DCC: variants seen among roughly 807,000 people sequenced by gnomAD.
The protein encoded by DCC is DCC netrin 1 receptor.
In DCC, 58 loss-of-function variants were observed where a neutral mutation model predicts 172.5. That is an observed-to-expected ratio of 0.34 (90% CI 0.27 to 0.42). DCC has a LOEUF of 0.42. Among genes scored for constraint, DCC ranks in the 10% least tolerant of loss-of-function variants. DCC has a pLI of 1.00. For missense variants in DCC, 1,740 were observed against 1,791.0 expected (o/e 0.97, Z 0.51); for synonymous variants, 709 against 644.5 (o/e 1.10, Z -1.52).
chr18:53,056,214 T>C (rs141153740), intron 5 of DCC, among the ~76,000 whole-genome samples: 1 of 152,080 alleles, frequency 6.6e-6, no homozygotes. Context: ...GTTAGATACA[T>C]GTCTTCACAA....
chr18:52,445,905 AC>A, intron 1 of DCC, among the ~76,000 whole-genome samples: 1 of 152,110 alleles, frequency 6.6e-6, no homozygotes, highest in East Asian at 1.9e-4. Flanking sequence ...CAAACTCCTT[AC>A]CAGTTTTTTG....
chr18:52,810,871 C>A (rs1328732777), intron 2 of DCC, among the ~76,000 whole-genome samples: 2 of 152,158 alleles, frequency 1.3e-5, no homozygotes, highest in African/African-American at 4.8e-5. Context: ...TAGGGTTTCA[C>A]TGGGGGCCCA....
At chr18:52,770,033 A>G (rs910202501) in intron 2 of DCC, among the ~76,000 whole-genome samples, 2 of 152,188 alleles carry the variant, frequency 1.3e-5, no homozygotes, top group African/African-American at 4.8e-5. Flanking sequence ...TACACAGAGG[A>G]GAGTTGTCTT....
intron 1 of DCC, among the ~76,000 whole-genome samples, chr18:52,346,881 C>T (rs982304404): frequency 2.6e-5 from 4 of 152,148 alleles, no homozygotes; most frequent in African/African-American, 7.2e-5. Flanking sequence ...TTTCACTAAT[C>T]CAAATTTTTT....
chr18:53,153,509 T>C (rs763071278), intron 7 of DCC, among the ~76,000 whole-genome samples: 6 of 152,212 alleles, frequency 3.9e-5, no homozygotes, highest in Non-Finnish European at 7.3e-5. Context: ...ACATGAGATA[T>C]TCACCTTCTT....
chr18:53,173,466 C>T (rs1161956505), intron 8 of DCC, among the ~76,000 whole-genome samples: 1 of 152,058 alleles, frequency 6.6e-6, no homozygotes, highest in African/African-American at 2.4e-5. Flanking sequence ...ACCATCACCA[C>T]CATCTGTCCA....
At chr18:52,660,106 T>A (rs2035329456) in intron 1 of DCC, among the ~76,000 whole-genome samples, 2 of 152,154 alleles carry the variant, frequency 1.3e-5, no homozygotes, top group Non-Finnish European at 1.5e-5. Context: ...CTCACTTCAA[T>A]GTTCTTTCTA....
At chr18:53,487,529 C>CT (rs34404262) in intron 26 of DCC, among the ~76,000 whole-genome samples, 38,328 of 120,140 alleles carry the variant, frequency 0.32, 6,955 homozygotes, top group Non-Finnish European at 0.43. Context: ...CCATTTGACT[C>CT]TTTTTTTTTT....
At chr18:53,274,652 G>A (rs117408888) in intron 12 of DCC, among the ~76,000 whole-genome samples, 14 of 152,230 alleles carry the variant, frequency 9.2e-5, no homozygotes, top group Admixed American at 4.6e-4. Context: ...GGAGGAATTC[G>A]TTTGAAAATC....
intron 19 of DCC, among the ~76,000 whole-genome samples, chr18:53,408,283 A>G (rs1909787449): frequency 6.6e-6 from 1 of 152,194 alleles, no homozygotes; most frequent in South Asian, 2.1e-4. Flanking sequence ...GAATCTGAGC[A>G]CAGTTTAGCT....
intron 1 of DCC, among the ~76,000 whole-genome samples, chr18:52,744,372 A>G (rs2036875098): frequency 6.6e-6 from 1 of 152,168 alleles, no homozygotes; most frequent in African/African-American, 2.4e-5. Context: ...GATCCTTAAT[A>G]AATTCCCATA....
intron 1 of DCC, among the ~76,000 whole-genome samples, chr18:52,448,351 C>T (rs1442784135): frequency 3.3e-5 from 5 of 152,206 alleles, no homozygotes; most frequent in Admixed American, 3.3e-4. Flanking sequence ...TCAGAGACTG[C>T]TGCTCTAGTC....
intron 7 of DCC, among the ~76,000 whole-genome samples, chr18:53,110,377 A>G (rs940171177): frequency 6.6e-6 from 1 of 151,686 alleles, no homozygotes; most frequent in Non-Finnish European, 1.5e-5. Context: ...AGTAGATTGG[A>G]GGTTAAGCAA....
Position 52,632,550 on chromosome 18 carries a change from C to T in DCC, c.92-119504C>T, listed in dbSNP as rs762428531. Among the ~76,000 whole-genome samples the T allele has an allele frequency of 3.3e-5, 5 of 152,296 alleles. No homozygotes were observed. The East Asian group carries it at 5.8e-4, about 18-fold the overall frequency. ...ATTCAAAGTCAAAATTCCTGTTCCACGCAGGTAGCTGAGTAAATTTAAGGT... is the reference window on the plus strand; with the variant it reads ...ATTCAAAGTCAAAATTCCTGTTCCATGCAGGTAGCTGAGTAAATTTAAGGT... On this transcript the variant is annotated intron_variant, in intron 1 of 28. Coordinates refer to ENST00000442544, the MANE Select transcript of DCC (RefSeq NM_005215.4).
intron 24 of DCC, among the ~76,000 whole-genome samples, chr18:53,460,286 T>TG (rs1555674677): frequency 3.6e-4 from 43 of 118,384 alleles, no homozygotes; most frequent in South Asian, 1.4e-3. Flanking sequence ...TTTTTTTTTT[T>TG]TTTTTTTTTT....
At chr18:53,148,865 CTTTTTT>C (rs5824990) in intron 7 of DCC, among the ~76,000 whole-genome samples, 1 of 109,820 alleles carries the variant, frequency 9.1e-6, no homozygotes, top group African/African-American at 3.7e-5. Context: ...TTCCCAATGC[CTTTTTT>C]TTTTTTTTTT....
At chr18:52,780,875 T>C (rs1017221751) in intron 2 of DCC, among the ~76,000 whole-genome samples, 1 of 152,066 alleles carries the variant, frequency 6.6e-6, no homozygotes, top group Non-Finnish European at 1.5e-5. Context: ...GAGGGAAATA[T>C]AAGGAGAGAA....
chr18:52,514,016 A>G (rs534656683), intron 1 of DCC, among the ~76,000 whole-genome samples: 104 of 152,266 alleles, frequency 6.8e-4, no homozygotes, highest in Non-Finnish European at 1.4e-3. Context: ...TATTACTTCC[A>G]CAAGATAGTT....
chr18:52,674,033 A>T (rs568814685), intron 1 of DCC, among the ~76,000 whole-genome samples: 38 of 152,134 alleles, frequency 2.5e-4, no homozygotes, highest in Non-Finnish European at 5.0e-4. Context: ...AGCTGTCCCC[A>T]GTGTGCAAGC....
Sources: allele counts gnomAD v4.1 joint callset (sites outside exome capture counted in the v4.1 genomes callset), GRCh38; gene constraint gnomAD v4.1.1; transcripts MANE v1.5; gene names NCBI Gene and HGNC (gene_info 2026-07-23, HGNC 2026-07-21).